Variants in CEP57 observed in about 807,000 individuals in gnomAD.
CEP57 encodes the protein centrosomal protein of 57 kDa.
CEP57 carries 40 observed loss-of-function variants against 68.0 expected under a neutral mutation model. The ratio of observed to expected loss-of-function variants is 0.59; its 90% CI spans 0.46 to 0.77. The LOEUF (loss-of-function observed/expected upper bound fraction) is 0.77. CEP57 is among the 30% of genes least tolerant of loss of function. CEP57 has a pLI of 0.00. For missense variants in CEP57, 606 were observed against 580.7 expected (o/e 1.04, Z -0.45); for synonymous variants, 219 against 198.7 (o/e 1.10, Z -0.86).
At chr11:95,829,041 C>CAAAA in intron 9 of CEP57, 146 bp from the exon 10 acceptor site, 3 of 626,270 alleles carry the variant, frequency 4.8e-6, no homozygotes, top group South Asian at 1.8e-5. Flanking sequence ...GACTCCGTCT[C>CAAAA]AAAAAAAAAA....
chr11:95,820,911 G>A (rs913154825), intron 6 of CEP57, among the ~76,000 whole-genome samples: 1 of 152,076 alleles, frequency 6.6e-6, no homozygotes, highest in Non-Finnish European at 1.5e-5. Context: ...GTATTCCTTT[G>A]TCATGGAATA....
intron 2 of CEP57, among the ~76,000 whole-genome samples, chr11:95,808,775 G>A (rs537285714): frequency 3.3e-5 from 5 of 152,168 alleles, no homozygotes; most frequent in African/African-American, 1.2e-4. Context: ...ACACCCCACT[G>A]TCAACATTAG....
intron 1 of CEP57, among the ~76,000 whole-genome samples, chr11:95,798,151 G>A (rs1272869019): frequency 6.6e-6 from 1 of 152,032 alleles, no homozygotes; most frequent in Admixed American, 6.6e-5. Flanking sequence ...TTAAGACTTG[G>A]CCCTACCCTC....
chr11:95,792,492 TTAAA>T (rs1259732365), intron 1 of CEP57, among the ~76,000 whole-genome samples: 3 of 152,184 alleles, frequency 2.0e-5, no homozygotes, highest in Non-Finnish European at 2.9e-5. Context: ...AAATAAAATA[TTAAA>T]TAAACGTTTA....
At chr11:95,805,385 GTGTC>G (rs1861755156) in intron 2 of CEP57, among the ~76,000 whole-genome samples, 1 of 152,104 alleles carries the variant, frequency 6.6e-6, no homozygotes, top group Non-Finnish European at 1.5e-5. Context: ...TCCTGTGTGT[GTGTC>G]TGTTTCATGT....
rs961385458 is a variant in CEP57 at position 95,808,034 on chromosome 11, C to G, written c.203-4898C>G. 2.0e-5 allele frequency among the ~76,000 whole-genome samples: 3 copies of G among 152,206 alleles called. No individual in the cohort carries two copies. The South Asian group carries it at 6.2e-4, about 32-fold the overall frequency. ...ACAGCAGATCTCTCGGCAGAAACTACAAGCCAGAAGAGAGTGGGGGCCAAT... is the reference window on the plus strand; with the variant it reads ...ACAGCAGATCTCTCGGCAGAAACTAGAAGCCAGAAGAGAGTGGGGGCCAAT... On this transcript the variant is annotated intron_variant, in intron 2 of 10. Coordinates refer to ENST00000325542, the MANE Select transcript of CEP57 (RefSeq NM_014679.5).
chr11:95,795,499 C>CTTTTTTTTTTTTT (rs5793747), intron 1 of CEP57: 1 of 331,300 alleles, frequency 3.0e-6, no homozygotes, highest in Non-Finnish European at 5.5e-6. Flanking sequence ...AGCTGTTATT[C>CTTTTTTTTTTTTT]TTTTTTTTTT....
At chr11:95,804,992 A>G (rs1591055657) in intron 2 of CEP57, among the ~76,000 whole-genome samples, 1 of 152,370 alleles carries the variant, frequency 6.6e-6, no homozygotes. Flanking sequence ...TCAAGAATAC[A>G]TAAAACAAAA....
Position 95,800,992 on chromosome 11 carries a change from T to C in CEP57, c.202+1604T>C, listed in dbSNP as rs187842058. Among the ~76,000 whole-genome samples the C allele has an allele frequency of 3.9e-3, 588 of 152,334 alleles. 9 individuals carry two copies. Among genetic ancestry groups the C allele is most frequent in the Admixed American group, 0.035 (536 of 15,304 alleles). On this transcript the variant is annotated intron_variant, in intron 2 of 10. Coordinates refer to ENST00000325542, the MANE Select transcript of CEP57 (RefSeq NM_014679.5). ...ATATTGCAACAATTCTATGTGTTAA[T>C]GATTCTCTAGGTAAAAGAAATATTT...
intron 2 of CEP57, among the ~76,000 whole-genome samples, chr11:95,811,580 TA>T (rs57349391): frequency 0.027 from 3,603 of 132,584 alleles, 142 homozygotes; most frequent in African/African-American, 0.091. Context: ...AAAGTATAAT[TA>T]AAAAAAAAAA....
chr11:95,823,509 A>G (rs898450258), intron 8 of CEP57, among the ~76,000 whole-genome samples: 2 of 152,228 alleles, frequency 1.3e-5, no homozygotes, highest in Non-Finnish European at 2.9e-5. Flanking sequence ...GACTATGTCA[A>G]TACTAGTGCA....
rs1471190034 is a variant in CEP57 at position 95,817,843 on chromosome 11, A to G, written c.561A>G (p.Glu187=). ...AAACACATGTTCAGAGCCAACTTGA[A>G]AAATTGGATCTTCTTGAACAGGAGT... ...HDQTHVQSQL[E]KLDLLEQEYN... The change falls in exon 5 of 11, where the codon GAA becomes GAG. Residue 187 remains glutamate (E), a synonymous_variant. Transcript: ENST00000325542. The G allele has an allele frequency of 4.3e-6, 7 of 1,613,880 alleles. No homozygotes were observed. Among genetic ancestry groups the G allele is most frequent in the Non-Finnish European group, 5.9e-6 (7 of 1,179,980 alleles).
At chr11:95,795,487 A>G in intron 1 of CEP57, 1 of 435,600 alleles carries the variant, frequency 2.3e-6, no homozygotes, top group South Asian at 4.0e-5. Context: ...TTCAATCTTA[A>G]TAGCTGTTAT....
chr11:95,802,607 A>G (rs938491563), intron 2 of CEP57, among the ~76,000 whole-genome samples: 4 of 152,118 alleles, frequency 2.6e-5, no homozygotes, highest in Non-Finnish European at 5.9e-5. Flanking sequence ...AGTTTTTCTT[A>G]CTGGGAATTT....
At chr11:95,822,207 T>C (rs1192606395) in intron 7 of CEP57, 2 of 584,234 alleles carry the variant, frequency 3.4e-6, no homozygotes, top group Non-Finnish European at 6.1e-6. Context: ...AAAATTAGCA[T>C]TATTAGTACT....
rs1459908898 is a variant in CEP57 at position 95,799,390 on chromosome 11, T to TA, written c.202+4dup. 6.2e-7 allele frequency: 1 copy of TA among 1,613,844 alleles called. No homozygotes were observed. Among genetic ancestry groups the TA allele is most frequent in the South Asian group, 1.1e-5 (1 of 91,074 alleles). On this transcript the variant is annotated splice_region_variant and intron_variant, in intron 2 of 10. Coordinates refer to ENST00000325542, the MANE Select transcript of CEP57 (RefSeq NM_014679.5). ...CCTATCCAGAAAGCAACAGCAGAGG[T>TA]AATCGAGCCTAACGAAATAAATGTT...
In CEP57 at chr11:95,790,753, A is replaced by G; in HGVS notation, c.45+10A>G. ...TGGTTCTCACTTGTCGGTAAGAAGC[A>G]GTTGGCGCGAGTGGGCCCCACGTCG... On this transcript the variant is annotated intron_variant, in intron 1 of 10. Transcript: ENST00000325542. 1 of 1,613,916 alleles carries G rather than the reference A, an allele frequency of 6.2e-7. No homozygotes were observed. The highest frequency in any genetic ancestry group is 1.1e-5 in the South Asian group (1 of 91,020).
chr11:95,812,884 C>A, intron 2 of CEP57, 48 bp from the exon 3 acceptor site: 2 of 1,522,896 alleles, frequency 1.3e-6, no homozygotes, highest in South Asian at 1.1e-5. Context: ...AATATACTTT[C>A]TCCGCATATG....
chr11:95,790,527 C>T lies in CEP57; in HGVS notation c.-172C>T. 1 of 693,994 alleles carries T rather than the reference C, an allele frequency of 1.4e-6. No individual in the cohort carries two copies. The highest frequency in any genetic ancestry group is 2.5e-6 in the Non-Finnish European group (1 of 404,256). The allele number at this position is 693,994 out of a possible 1,614,324, so 43.0% of individuals were successfully genotyped here. ...CTGTGTAAGCTGTGAGCGTAGGCGGCCCTGAGGGGGTGTGTTGCAGGGGTT... is the reference window on the plus strand; with the variant it reads ...CTGTGTAAGCTGTGAGCGTAGGCGGTCCTGAGGGGGTGTGTTGCAGGGGTT... On this transcript the variant is annotated 5_prime_UTR_variant, in exon 1 of 11. Coordinates refer to ENST00000325542, the MANE Select transcript of CEP57 (RefSeq NM_014679.5).
Sources: gnomAD v4.1 joint callset for allele counts (sites outside exome capture counted in the v4.1 genomes callset) on GRCh38, gnomAD v4.1.1 for gene constraint, MANE v1.5 for transcripts, NCBI Gene and HGNC (gene_info 2026-07-23, HGNC 2026-07-21) for gene names.